TLN2: variants seen among roughly 807,000 people sequenced by gnomAD.
TLN2 encodes the protein talin-2.
A neutral mutation model predicts 294.7 loss-of-function variants in TLN2; 118 were observed. The ratio of observed to expected loss-of-function variants is 0.40; its 90% CI spans 0.34 to 0.47. The LOEUF (loss-of-function observed/expected upper bound fraction) is 0.47, where lower values mean the gene tolerates loss of function less well. Among genes scored for constraint, TLN2 ranks in the 20% least tolerant of loss-of-function variants. The pLI, the probability that TLN2 is intolerant of heterozygous loss-of-function variation, is 0.84. For missense variants in TLN2, 3,083 were observed against 3,282.2 expected, an observed-to-expected ratio of 0.94 and a Z score of 1.48; for synonymous variants, 1,431 against 1,304.5, an observed-to-expected ratio of 1.10 and a Z score of -2.09.
Position 62,800,690 on chromosome 15 carries a change from T to C in TLN2, c.6398T>C (p.Val2133Ala). Reference protein sequence around the residue: ...VTNVTSLLKTVKAVEDEATRG... With the variant: ...VTNVTSLLKTAKAVEDEATRG... ...AATGTCACCTCGCTCCTCAAGACTG[T>C]AAAGGCAGTGGAGGATGAGGCCACC... The change falls in exon 50 of 59, where the codon GTA (valine) becomes GCA (alanine). Residue 2133 changes from valine to alanine, a missense_variant. Val to Ala is a moderately conservative substitution (Grantham distance 64). Coordinates refer to ENST00000636159, the MANE Select transcript of TLN2 (RefSeq NM_015059.3). 1 of 1,614,166 alleles carries C rather than the reference T, an allele frequency of 6.2e-7. No individual in the cohort carries two copies. Among genetic ancestry groups the C allele is most frequent in the African/African-American group, 1.3e-5 (1 of 75,068 alleles).
At position 62,613,748 on chromosome 15, in the gene TLN2, A is replaced by C. The variant is rs577983651; in HGVS notation, c.-161-4603A>C. ...TCAAGAAATCATGTTATGTCCATTCAGGGGACTAAGACTAAGCATGAAAGA... is the reference window on the plus strand; with the variant it reads ...TCAAGAAATCATGTTATGTCCATTCCGGGGACTAAGACTAAGCATGAAAGA... On this transcript the variant is annotated intron_variant, in intron 2 of 58. Transcript: ENST00000636159. 3.9e-5 allele frequency among the ~76,000 whole-genome samples: 6 copies of C among 152,242 alleles called. 1 individual carries two copies. The South Asian group carries it at 1.2e-3, about 32-fold the overall frequency.
At chr15:62,489,760 A>G (rs2038606446) in intron 1 of TLN2, among the ~76,000 whole-genome samples, 1 of 152,150 alleles carries the variant, frequency 6.6e-6, no homozygotes, top group Admixed American at 6.5e-5. Flanking sequence ...TCTCTCACGG[A>G]TTGCTTCCTC....
intron 1 of TLN2, among the ~76,000 whole-genome samples, chr15:62,556,154 A>G (rs1290961315): frequency 6.6e-6 from 1 of 151,438 alleles, no homozygotes; most frequent in East Asian, 1.9e-4. Flanking sequence ...TCATGTAGTA[A>G]AATTTAAAAT....
chr15:62,420,601 C>G (rs2034333629), intron 1 of TLN2, among the ~76,000 whole-genome samples: 1 of 152,120 alleles, frequency 6.6e-6, no homozygotes, highest in African/African-American at 2.4e-5. Context: ...CAGGCCAGGT[C>G]TCACTAACAA....
At chr15:62,593,230 A>C (rs756783906) in intron 2 of TLN2, among the ~76,000 whole-genome samples, 1 of 152,072 alleles carries the variant, frequency 6.6e-6, no homozygotes, top group Non-Finnish European at 1.5e-5. Flanking sequence ...ACCCTCCATT[A>C]GCTGATTCTT....
At chr15:62,525,901 G>GCTGTGGGATCTATAACTCTGCCA (rs1242540593) in intron 1 of TLN2, among the ~76,000 whole-genome samples, 2 of 152,166 alleles carry the variant, frequency 1.3e-5, no homozygotes, top group Non-Finnish European at 2.9e-5. Context: ...TTGGCAGTGT[G>GCTGTGGGATCTATAACTCTGCCA]CTGTGGGATC....
intron 9 of TLN2, among the ~76,000 whole-genome samples, chr15:62,664,497 G>A (rs1012238911): frequency 4.6e-5 from 7 of 151,900 alleles, no homozygotes; most frequent in Non-Finnish European, 7.4e-5. Context: ...AAGAGAAACC[G>A]GATGTATTAT....
intron 1 of TLN2, among the ~76,000 whole-genome samples, chr15:62,469,659 G>T (rs547196642): frequency 1.3e-5 from 2 of 152,278 alleles, no homozygotes; most frequent in East Asian, 3.9e-4. Context: ...CTTGATTCTG[G>T]AGTTGGCACT....
At chr15:62,836,853 T>TA (rs1312925365) in intron 57 of TLN2, among the ~76,000 whole-genome samples, 1 of 152,258 alleles carries the variant, frequency 6.6e-6, no homozygotes, top group African/African-American at 2.4e-5. Flanking sequence ...CATGGCGAGA[T>TA]ACATTCTGCT....
rs79008405 is a variant in TLN2, at chr15:62,724,754, A to G, written c.3127-222A>G. 1.2e-3 allele frequency among the ~76,000 whole-genome samples: 188 copies of G among 152,278 alleles called. 6 individuals carry two copies. The East Asian group carries it at 0.033, about 26-fold the overall frequency. On this transcript the variant is annotated intron_variant, in intron 26 of 58. Transcript: ENST00000636159. The stretch of plus-strand genomic sequence containing the variant: ...CACTTCCGGAACTCTTACTATATCC[A>G]GTTATGAGACATACCTAATTGATGG...
intron 3 of TLN2, chr15:62,640,234 G>C (rs538159111): frequency 6.6e-6 from 3 of 455,920 alleles, no homozygotes; most frequent in Middle Eastern, 3.2e-4. Flanking sequence ...TCTTTCTTTG[G>C]TGTTTCTTTG....
chr15:62,668,675 T>C (rs1330906959), intron 9 of TLN2, among the ~76,000 whole-genome samples: 2 of 152,214 alleles, frequency 1.3e-5, no homozygotes, highest in Non-Finnish European at 2.9e-5. Context: ...GCTGTGACCC[T>C]GGGCAACTTA....
intron 22 of TLN2, among the ~76,000 whole-genome samples, chr15:62,715,583 A>G (rs914311730): frequency 6.6e-6 from 1 of 152,188 alleles, no homozygotes. Context: ...ATCCACTTAG[A>G]TTTCTAAGAC....
chr15:62,500,290 A>T (rs2039240499), intron 1 of TLN2, among the ~76,000 whole-genome samples: 1 of 152,190 alleles, frequency 6.6e-6, no homozygotes, highest in Non-Finnish European at 1.5e-5. Context: ...GTGAGCTGGG[A>T]TTGCACCATT....
At chr15:62,682,029 G>C (rs2056878137) in intron 11 of TLN2, among the ~76,000 whole-genome samples, 1 of 152,142 alleles carries the variant, frequency 6.6e-6, no homozygotes, top group Admixed American at 6.5e-5. Context: ...TGTTGGGATT[G>C]CAGGCATGAG....
chr15:62,606,742 C>T (rs2047482306), intron 2 of TLN2, among the ~76,000 whole-genome samples: 1 of 152,136 alleles, frequency 6.6e-6, no homozygotes. Flanking sequence ...TGAAATTGGG[C>T]AGACTTGGGT....
intron 9 of TLN2, among the ~76,000 whole-genome samples, chr15:62,668,139 A>G (rs894709179): frequency 6.6e-6 from 1 of 152,192 alleles, no homozygotes; most frequent in Non-Finnish European, 1.5e-5. Flanking sequence ...CCTTATGTAC[A>G]GTGTGAGGGC....
chr15:62,452,445 T>G (rs990455946), intron 1 of TLN2, among the ~76,000 whole-genome samples: 1 of 152,152 alleles, frequency 6.6e-6, no homozygotes, highest in Non-Finnish European at 1.5e-5. Flanking sequence ...CACATTATGG[T>G]AAAAATAAAC....
intron 45 of TLN2, among the ~76,000 whole-genome samples, chr15:62,788,513 A>G (rs1013879930): frequency 2.0e-5 from 3 of 152,128 alleles, no homozygotes; most frequent in African/African-American, 4.8e-5. Flanking sequence ...GATGGGCCCA[A>G]TCTTGTTTCT....
Sources: gnomAD v4.1 joint callset for allele counts (sites outside exome capture counted in the v4.1 genomes callset) on GRCh38, gnomAD v4.1.1 for gene constraint, MANE v1.5 for transcripts, NCBI Gene and HGNC (gene_info 2026-07-23, HGNC 2026-07-21) for gene names.